Variants in CDYL2 observed in about 807,000 individuals in gnomAD.
CDYL2 encodes chromodomain Y like 2, also known as chromodomain Y-like protein 2.
A neutral mutation model predicts 49.4 loss-of-function variants in CDYL2; 23 were observed. The observed-to-expected ratio is 0.47, with a 90% CI of 0.34 to 0.66. CDYL2 has a LOEUF of 0.66. CDYL2 is among the 30% of genes least tolerant of loss of function. The probability of loss-of-function intolerance (pLI) is 0.01; values close to 1 mark genes in which losing one functional copy is unlikely to be tolerated. For missense variants in CDYL2, 678 were observed against 656.4 expected, an observed-to-expected ratio of 1.03 and a Z score of -0.36; for synonymous variants, 360 against 268.8, an observed-to-expected ratio of 1.34 and a Z score of -3.32.
chr16:80,722,570 T>A (rs74693578), intron 1 of CDYL2, among the ~76,000 whole-genome samples: 22,957 of 152,208 alleles, frequency 0.15, 2,155 homozygotes, highest in South Asian at 0.24. Context: ...AGAACATAAC[T>A]AAGCCTAGTT....
chr16:80,693,002 A>G (rs891335458), intron 1 of CDYL2, among the ~76,000 whole-genome samples: 16 of 152,168 alleles, frequency 1.1e-4, no homozygotes, highest in Admixed American at 3.3e-4. Flanking sequence ...AAGGAATGAC[A>G]CACACAACAA....
At position 80,684,776 on chromosome 16, in the gene CDYL2, T is replaced by C. The variant is rs1910115000; in HGVS notation, c.378A>G (p.Ser126=). Reference sequence around the variant, plus strand: ...CCGTCTTGGTGGCCCTGTCACCTCCTGAAGAGGGCTTGCCTGAATACCCTT... The same window carrying C: ...CCGTCTTGGTGGCCCTGTCACCTCCCGAAGAGGGCTTGCCTGAATACCCTT... ...PKKGYSGKPS[S]GGDRATKTVS... Residue 126 remains serine (S), a synonymous_variant, in exon 2 of 7, where the codon TCA becomes TCG. Coordinates refer to ENST00000570137, the MANE Select transcript of CDYL2 (RefSeq NM_152342.4). The C allele has an allele frequency of 2.5e-6, 4 of 1,614,222 alleles. No homozygotes were observed. The highest frequency in any genetic ancestry group is 3.4e-6 in the Non-Finnish European group (4 of 1,180,046).
intron 2 of CDYL2, among the ~76,000 whole-genome samples, chr16:80,683,523 C>T (rs1397083171): frequency 6.6e-6 from 1 of 152,198 alleles, no homozygotes; most frequent in African/African-American, 2.4e-5. Flanking sequence ...TAACCTAACA[C>T]AACATATGCA....
chr16:80,638,996 C>T (rs1440165632), intron 2 of CDYL2, among the ~76,000 whole-genome samples: 1 of 152,068 alleles, frequency 6.6e-6, no homozygotes, highest in African/African-American at 2.4e-5. Flanking sequence ...TTACAAAGAA[C>T]ATAATTTAAA....
At chr16:80,676,963 A>C (rs56408975) in intron 2 of CDYL2, among the ~76,000 whole-genome samples, 12,016 of 60,038 alleles carry the variant, frequency 0.2, 1,053 homozygotes, top group Non-Finnish European at 0.27. Context: ...AATTCAATGT[A>C]TTTTTTTTTT....
At chr16:80,756,635 C>T (rs1041507309) in intron 1 of CDYL2, among the ~76,000 whole-genome samples, 5 of 152,038 alleles carry the variant, frequency 3.3e-5, no homozygotes, top group Admixed American at 2.0e-4. Flanking sequence ...AAAAAAGGAA[C>T]ACTTTTCCAC....
intron 1 of CDYL2, chr16:80,742,078 T>C (rs750192707): frequency 4.6e-5 from 7 of 152,244 alleles, no homozygotes; most frequent in Non-Finnish European, 7.3e-5. Context: ...CAGATCCTAA[T>C]GTAATCTCTA....
intron 1 of CDYL2, among the ~76,000 whole-genome samples, chr16:80,734,150 T>C (rs973112999): frequency 6.6e-6 from 1 of 152,194 alleles, no homozygotes; most frequent in Non-Finnish European, 1.5e-5. Flanking sequence ...TGATGGACTA[T>C]ATTAGGGAAT....
At chr16:80,727,290 G>C (rs917825821) in intron 1 of CDYL2, among the ~76,000 whole-genome samples, 3 of 152,336 alleles carry the variant, frequency 2.0e-5, no homozygotes, top group African/African-American at 7.2e-5. Context: ...CTCGGCAAGC[G>C]CAAGGGGTCA....
In CDYL2 at chr16:80,772,468, T is replaced by TGG. The variant is rs756428602; in HGVS notation, c.24+31680_24+31681dup. 4.2e-4 allele frequency among the ~76,000 whole-genome samples: 64 copies of TGG among 152,352 alleles called. No homozygotes were observed. In the Middle Eastern group the frequency reaches 0.01, roughly 24 times the overall value. On this transcript the variant is annotated intron_variant, in intron 1 of 6. Transcript: ENST00000570137. ...TGCAAATTGCAATTTTTTTATTTTT[T>TGG]GGGAGACGGAGTCTCCCTCTGTAGA... is the stretch of plus-strand genomic sequence containing the variant.
intron 1 of CDYL2, among the ~76,000 whole-genome samples, chr16:80,701,746 G>C (rs1904302088): frequency 6.6e-6 from 1 of 152,194 alleles, no homozygotes; most frequent in South Asian, 2.1e-4. Flanking sequence ...ATGTAACGCA[G>C]TTTACAATCA....
chr16:80,804,603 G>A (rs1381114733), upstream of CDYL2, among the ~76,000 whole-genome samples: 7 of 144,270 alleles, frequency 4.9e-5, no homozygotes, highest in East Asian at 1.2e-3. Flanking sequence ...GCCACTGGGC[G>A]AGTCCCCGCC....
intron 1 of CDYL2, among the ~76,000 whole-genome samples, chr16:80,747,726 C>T (rs1905981858): frequency 6.6e-6 from 1 of 152,138 alleles, no homozygotes; most frequent in Non-Finnish European, 1.5e-5. Flanking sequence ...TCACAGACCC[C>T]TCTAGAACCA....
chr16:80,708,546 G>A (rs1904482421), intron 1 of CDYL2, among the ~76,000 whole-genome samples: 2 of 152,054 alleles, frequency 1.3e-5, no homozygotes, highest in Admixed American at 6.6e-5. Context: ...ATACATCTTG[G>A]TACAGCCACA....
At chr16:80,801,912 C>T (rs564751901) in intron 1 of CDYL2, among the ~76,000 whole-genome samples, 4 of 152,246 alleles carry the variant, frequency 2.6e-5, no homozygotes, top group African/African-American at 4.8e-5. Flanking sequence ...TGTTGACATT[C>T]GTTATATTCT....
At chr16:80,642,708 G>A (rs923640966) in intron 2 of CDYL2, among the ~76,000 whole-genome samples, 2 of 152,162 alleles carry the variant, frequency 1.3e-5, no homozygotes, top group African/African-American at 2.4e-5. Context: ...AGGAAATAAG[G>A]AAGATGCAAA....
At chr16:80,605,850 A>G (rs971526868) in intron 6 of CDYL2, among the ~76,000 whole-genome samples, 4 of 152,190 alleles carry the variant, frequency 2.6e-5, no homozygotes, top group Admixed American at 2.6e-4. Flanking sequence ...TAACCCTGCA[A>G]GTAAGTAGTC....
At chr16:80,635,248 C>G (rs2142395697) in intron 2 of CDYL2, among the ~76,000 whole-genome samples, 1 of 152,186 alleles carries the variant, frequency 6.6e-6, no homozygotes, top group Middle Eastern at 3.4e-3. Context: ...CTCACAAAAT[C>G]CAATAGAAAG....
chr16:80,612,684 C>T lies in CDYL2; in HGVS notation c.1160G>A (p.Arg387His), dbSNP rs747855913. 14 of 1,613,186 alleles carry T rather than the reference C, an allele frequency of 8.7e-6. No homozygotes were observed. Among genetic ancestry groups the T allele is most frequent in the Admixed American group, 6.7e-5 (4 of 59,978 alleles). Reference sequence around the variant, plus strand: ...GGAGGAGCAGCCAGCAGGCGTGAGGCGGATGGTGGCGTAGGGCGTCTGGAA... The same window carrying T: ...GGAGGAGCAGCCAGCAGGCGTGAGGTGGATGGTGGCGTAGGGCGTCTGGAA... ...AWFQTPYATI[R>H]LTPAGCSSYT... Residue 387 changes from arginine to histidine, a missense_variant, in exon 5 of 7, where the codon CGC becomes CAC. By Grantham distance (29) the Arg-to-His change is conservative. This residue lies in a region of CDYL2 where 47 missense variants were observed against 78.8 expected (regional missense o/e 0.60). Transcript: ENST00000570137. This position sits in a 1 kb window ranked among gnomAD's most constrained non-coding sequence, Gnocchi z 5.0.
Sources: gnomAD v4.1 joint callset for allele counts (sites outside exome capture counted in the v4.1 genomes callset) on GRCh38, gnomAD v4.1.1 for gene constraint, gnomAD v4.1.1 regional missense constraint, Gnocchi (gnomAD v3.1) non-coding constraint, MANE v1.5 for transcripts, NCBI Gene and HGNC (gene_info 2026-07-23, HGNC 2026-07-21) for gene names.